The following NBDY variants were observed in gnomAD, a reference collection of about 807,000 sequenced individuals.
NBDY encodes the protein P-body dissociating protein.
At chrX:56,785,673 C>T (rs998349631) in intron 2 of NBDY, among the ~76,000 whole-genome samples, 5 of 111,598 alleles carry the variant, frequency 4.5e-5, no homozygotes, top group African/African-American at 1.3e-4. Context: ...TATGCAGTCG[C>T]GGTGCAGACT....
chrX:56,803,825 G>A (rs2069836101), intron 2 of NBDY, among the ~76,000 whole-genome samples: 1 of 111,926 alleles, frequency 8.9e-6, no homozygotes, highest in South Asian at 3.7e-4. Context: ...AAAACAAAAA[G>A]AAAAGAAAGA....
intron 2 of NBDY, among the ~76,000 whole-genome samples, chrX:56,795,908 T>C (rs1023879648): frequency 1.8e-5 from 2 of 112,026 alleles, no homozygotes; most frequent in Non-Finnish European, 3.8e-5. Flanking sequence ...GTTCTCGTTT[T>C]TAACTTTTAA....
At chrX:56,732,246 G>A (rs1461997350) in intron 2 of NBDY, 47 bp downstream of exon 2, 1 of 289,821 alleles carries the variant, frequency 3.5e-6, no homozygotes, top group Non-Finnish European at 6.0e-6. Flanking sequence ...AGAAAAAAAA[G>A]AGTTGGTTTT....
At chrX:56,738,559 G>A (rs2069509631) in intron 2 of NBDY, among the ~76,000 whole-genome samples, 1 of 111,881 alleles carries the variant, frequency 8.9e-6, no homozygotes, top group Non-Finnish European at 1.9e-5. Context: ...TCAAGTTAGG[G>A]TTCCCGCAAC....
intron 2 of NBDY, among the ~76,000 whole-genome samples, chrX:56,762,334 C>CCCT (rs371370989): frequency 5.6e-5 from 6 of 107,385 alleles, no homozygotes; most frequent in Admixed American, 3.0e-4. Context: ...TTCTTTTCTT[C>CCCT]CCTCCTCCTC....
intron 2 of NBDY, among the ~76,000 whole-genome samples, chrX:56,814,134 G>A (rs1401182322): frequency 9.0e-6 from 1 of 110,501 alleles, no homozygotes; most frequent in African/African-American, 3.3e-5. Context: ...CAATTTTTCT[G>A]GACCGAAGGT....
chrX:56,758,536 G>C (rs1045053329), intron 2 of NBDY, among the ~76,000 whole-genome samples: 19 of 111,382 alleles, frequency 1.7e-4, no homozygotes, highest in African/African-American at 5.9e-4. Flanking sequence ...TTCCGGATGG[G>C]TTCCACAGGT....
chrX:56,817,694 T>A lies in NBDY; in HGVS notation c.*541T>A, dbSNP rs1174891503. 1 of 112,179 alleles carries A rather than the reference T, an allele frequency of 8.9e-6. No individual in the cohort carries two copies. The highest frequency in any genetic ancestry group is 1.9e-5 in the Non-Finnish European group (1 of 53,213). 9.2% of individuals were successfully genotyped at this position (112,179 alleles called of 1,213,427 possible). A position where few individuals can be genotyped will look rare whatever the true frequency, so the allele number is the denominator to read the frequency against. On this transcript the variant is annotated 3_prime_UTR_variant, in exon 3 of 3. Transcript: ENST00000374922. ...TTGAAATATGACCTTCTTCCTACAT[T>A]TATTCATTTATTTATGTCTATTTAT...
intron 2 of NBDY, among the ~76,000 whole-genome samples, chrX:56,794,289 A>T (rs2069780508): frequency 8.9e-6 from 1 of 112,241 alleles, no homozygotes; most frequent in African/African-American, 3.2e-5. Context: ...TGTCATGTTC[A>T]GAAACACCTT....
At chrX:56,807,690 G>C (rs980105375) in intron 2 of NBDY, among the ~76,000 whole-genome samples, 1 of 112,073 alleles carries the variant, frequency 8.9e-6, no homozygotes, top group Non-Finnish European at 1.9e-5. Flanking sequence ...TGCTGAAGTA[G>C]CTTATCAGCC....
intron 2 of NBDY, among the ~76,000 whole-genome samples, chrX:56,743,802 A>G (rs1218596542): frequency 9.1e-6 from 1 of 109,297 alleles, no homozygotes; most frequent in Non-Finnish European, 1.9e-5. Flanking sequence ...TCTGGTGTTT[A>G]TTATTTCTTT....
intron 2 of NBDY, among the ~76,000 whole-genome samples, chrX:56,734,970 A>G (rs887593879): frequency 8.9e-6 from 1 of 112,058 alleles, no homozygotes; most frequent in Non-Finnish European, 1.9e-5. Context: ...GTTAAATTGT[A>G]TTCCTAAAGC....
chrX:56,758,666 T>C (rs2069623287), intron 2 of NBDY, among the ~76,000 whole-genome samples: 2 of 111,741 alleles, frequency 1.8e-5, no homozygotes, highest in African/African-American at 6.5e-5. Context: ...AGTGCATGGG[T>C]AGCCAGGCCC....
intron 2 of NBDY, among the ~76,000 whole-genome samples, chrX:56,782,710 G>C (rs191297233): frequency 4.5e-5 from 5 of 111,705 alleles, no homozygotes; most frequent in African/African-American, 1.6e-4. Flanking sequence ...AAGTTGTCCC[G>C]TGTCTCCTTT....
At chrX:56,814,096 G>A (rs1196981040) in intron 2 of NBDY, among the ~76,000 whole-genome samples, 1 of 110,581 alleles carries the variant, frequency 9.0e-6, no homozygotes, top group Admixed American at 9.6e-5. Flanking sequence ...CTTTCAGATT[G>A]TAATTGATTT....
chrX:56,801,514 C>T (rs2069822489), intron 2 of NBDY, among the ~76,000 whole-genome samples: 1 of 110,867 alleles, frequency 9.0e-6, no homozygotes, highest in South Asian at 3.9e-4. Flanking sequence ...CTCATTTGTT[C>T]TTAAAGGAGC....
At chrX:56,742,051 G>T (rs2069534392) in intron 2 of NBDY, among the ~76,000 whole-genome samples, 1 of 111,512 alleles carries the variant, frequency 9.0e-6, no homozygotes, top group South Asian at 3.7e-4. Context: ...TCTGCATATG[G>T]ATATCCAGTT....
chrX:56,740,941 T>C (rs1256111126), intron 2 of NBDY, among the ~76,000 whole-genome samples: 1 of 110,720 alleles, frequency 9.0e-6, no homozygotes, highest in Non-Finnish European at 1.9e-5. Context: ...TAGGTCTTAT[T>C]CATTCTTTTT....
rs1357381207 is a variant in NBDY at position 56,818,324 on chromosome X, C to T, written c.*1171C>T. Reference sequence around the variant, plus strand: ...AGATTGTGAAACCTGAGTATTTTACCCAATCCTCTGAAATTAGTCCCTAGC... The same window carrying T: ...AGATTGTGAAACCTGAGTATTTTACTCAATCCTCTGAAATTAGTCCCTAGC... On this transcript the variant is annotated 3_prime_UTR_variant, in exon 3 of 3. Transcript: ENST00000374922. 9.0e-6 allele frequency: 1 copy of T among 110,989 alleles called. No individual in the cohort carries two copies. The highest frequency in any genetic ancestry group is 1.9e-5 in the Non-Finnish European group (1 of 52,850). 9.1% of individuals were successfully genotyped at this position (110,989 alleles called of 1,213,427 possible). A position where few individuals can be genotyped will look rare whatever the true frequency, so the allele number is the denominator to read the frequency against.
Sources: gnomAD v4.1 joint callset for allele counts (sites outside exome capture counted in the v4.1 genomes callset) on GRCh38, gnomAD v4.1.1 for gene constraint, MANE v1.5 for transcripts, NCBI Gene and HGNC (gene_info 2026-07-23, HGNC 2026-07-21) for gene names.